The following CDH4 variants were observed in gnomAD, a reference collection of about 807,000 sequenced individuals.
CDH4 encodes the protein cadherin-4.
In CDH4, 33 loss-of-function variants were observed where a neutral mutation model predicts 86.0. The observed-to-expected ratio is 0.38, with a 90% CI of 0.29 to 0.51. The LOEUF (loss-of-function observed/expected upper bound fraction) is 0.51. Ranked by LOEUF, CDH4 falls within the 20% of genes least tolerant of loss-of-function variation. The pLI is 0.86. For missense variants in CDH4, 1,114 were observed against 1,307.4 expected (o/e 0.85, Z 2.28); for synonymous variants, 555 against 549.4 (o/e 1.01, Z -0.14).
At chr20:61,351,641 G>A (rs766081551) in intron 2 of CDH4, among the ~76,000 whole-genome samples, 38 of 152,122 alleles carry the variant, frequency 2.5e-4, no homozygotes, top group Admixed American at 5.9e-4. Context: ...CAGGGCAATG[G>A]GATGCTGTCC....
chr20:61,335,910 C>T (rs1380017409), intron 2 of CDH4, among the ~76,000 whole-genome samples: 1 of 152,212 alleles, frequency 6.6e-6, no homozygotes, highest in Non-Finnish European at 1.5e-5. Flanking sequence ...CAGGTTGACG[C>T]AAGGATCTTT....
chr20:61,572,021 C>A (rs2086345682), intron 2 of CDH4, among the ~76,000 whole-genome samples: 1 of 152,086 alleles, frequency 6.6e-6, no homozygotes, highest in Non-Finnish European at 1.5e-5. Context: ...GGGACCTCTG[C>A]CTTAGAGCCC....
At chr20:61,583,657 C>T (rs1568697450) in intron 2 of CDH4, among the ~76,000 whole-genome samples, 2 of 152,196 alleles carry the variant, frequency 1.3e-5, no homozygotes, top group African/African-American at 2.4e-5. Flanking sequence ...CCACTTTCCT[C>T]GTTGACATCA....
chr20:61,606,717 C>T (rs191659513), intron 2 of CDH4, among the ~76,000 whole-genome samples: 1 of 152,324 alleles, frequency 6.6e-6, no homozygotes, highest in Non-Finnish European at 1.5e-5. Flanking sequence ...TGGCTTGTGT[C>T]GTGCACACAC....
intron 2 of CDH4, among the ~76,000 whole-genome samples, chr20:61,362,626 G>C (rs940612758): frequency 2.0e-5 from 3 of 152,130 alleles, no homozygotes; most frequent in African/African-American, 4.8e-5. Flanking sequence ...GAAGTGGTGA[G>C]ATTCAGCGGG....
intron 2 of CDH4, among the ~76,000 whole-genome samples, chr20:61,425,615 A>T (rs1249918712): frequency 6.6e-6 from 1 of 152,254 alleles, no homozygotes; most frequent in Non-Finnish European, 1.5e-5. Flanking sequence ...GAGCCCAGGG[A>T]AAACAGGGCG....
chr20:61,868,974 T>C (rs12480288), intron 6 of CDH4, among the ~76,000 whole-genome samples: 78,664 of 152,078 alleles, frequency 0.52, 22,020 homozygotes, highest in Non-Finnish European at 0.62. Flanking sequence ...GTGGCAAACG[T>C]GGCAGGCTGT....
At position 61,339,337 on chromosome 20, in the gene CDH4, G is replaced by T. The variant is rs191678442; in HGVS notation, c.169+84400G>T. Reference sequence around the variant, plus strand: ...TCCACTGATGGTGATGATGATGATGGTATAATGGTGATACTTCGACTAGAA... The same window carrying T: ...TCCACTGATGGTGATGATGATGATGTTATAATGGTGATACTTCGACTAGAA... On this transcript the variant is annotated intron_variant, in intron 2 of 15. Transcript: ENST00000614565. 4.0e-3 allele frequency among the ~76,000 whole-genome samples: 605 copies of T among 152,128 alleles called. 2 individuals carry two copies. Among genetic ancestry groups the T allele is most frequent in the Middle Eastern group, 0.01 (3 of 294 alleles).
intron 2 of CDH4, among the ~76,000 whole-genome samples, chr20:61,728,600 C>T (rs1450134621): frequency 6.6e-6 from 1 of 152,130 alleles, no homozygotes; most frequent in Non-Finnish European, 1.5e-5. Context: ...CCTCAGTTTC[C>T]TCTTTGGGAA....
chr20:61,447,479 A>G (rs1289685067), intron 2 of CDH4, among the ~76,000 whole-genome samples: 3 of 151,826 alleles, frequency 2.0e-5, no homozygotes, highest in Non-Finnish European at 4.4e-5. Flanking sequence ...CGACCTATTC[A>G]TGGTGTTTTC....
intron 2 of CDH4, among the ~76,000 whole-genome samples, chr20:61,409,843 C>T (rs930620001): frequency 6.6e-6 from 1 of 151,696 alleles, no homozygotes; most frequent in African/African-American, 2.4e-5. Flanking sequence ...TTCAGAAGCT[C>T]ATCATCATAA....
At chr20:61,444,228 CTT>C (rs1278419823) in intron 2 of CDH4, among the ~76,000 whole-genome samples, 1 of 7,312 alleles carries the variant, frequency 1.4e-4, no homozygotes, top group African/African-American at 4.7e-4. Context: ...CTGTGTCTCT[CTT>C]TGTGTATTTT....
At chr20:61,926,699 C>T (rs140777568) in intron 11 of CDH4, among the ~76,000 whole-genome samples, 1,524 of 152,192 alleles carry the variant, frequency 0.01, 31 homozygotes, top group African/African-American at 0.035. Flanking sequence ...GGTGAAACCC[C>T]GTCTTTACTA....
chr20:61,604,415 G>C (rs2086626742), intron 2 of CDH4, among the ~76,000 whole-genome samples: 1 of 152,194 alleles, frequency 6.6e-6, no homozygotes, highest in African/African-American at 2.4e-5. Context: ...AAAAGCACAG[G>C]ACTCCAAATG....
chr20:61,411,764 A>C (rs2085121045), intron 2 of CDH4, among the ~76,000 whole-genome samples: 1 of 152,192 alleles, frequency 6.6e-6, no homozygotes, highest in South Asian at 2.1e-4. Context: ...GTGTCTGGGC[A>C]GGGATATGTC....
intron 2 of CDH4, among the ~76,000 whole-genome samples, chr20:61,620,159 T>TGGATGGATGGACGGATGGGTGGGTGGGG: frequency 8.6e-6 from 1 of 116,578 alleles, no homozygotes; most frequent in African/African-American, 3.5e-5. Context: ...ATGGTTTGGA[T>TGGATGGATGGACGGATGGGTGGGTGGGG]GGATGGATGG....
At chr20:61,437,209 A>G (rs999630648) in intron 2 of CDH4, 1 of 152,288 alleles carries the variant, frequency 6.6e-6, no homozygotes, top group African/African-American at 2.4e-5. Flanking sequence ...GCCTTTCTCA[A>G]CTGCTTTTCA....
intron 7 of CDH4, among the ~76,000 whole-genome samples, chr20:61,894,617 T>C (rs1985012089): frequency 6.6e-6 from 1 of 152,118 alleles, no homozygotes; most frequent in African/African-American, 2.4e-5. Context: ...CCCTTCTATC[T>C]TGGCACCAAA....
At chr20:61,519,298 G>A (rs73150276) in intron 2 of CDH4, among the ~76,000 whole-genome samples, 12,796 of 152,284 alleles carry the variant, frequency 0.084, 634 homozygotes, top group Non-Finnish European at 0.12. Context: ...AAAATTTGAT[G>A]TCTCCATTCT....
Sources: gnomAD v4.1 joint callset for allele counts (sites outside exome capture counted in the v4.1 genomes callset) on GRCh38, gnomAD v4.1.1 for gene constraint, MANE v1.5 for transcripts, NCBI Gene and HGNC (gene_info 2026-07-23, HGNC 2026-07-21) for gene names.